The following CRK variants were observed in gnomAD, a reference collection of about 807,000 sequenced individuals.
CRK encodes the protein adapter molecule crk.
Under a neutral mutation model 29.8 loss-of-function variants are expected in CRK, and 4 were observed. The observed-to-expected ratio is 0.13, with a 90% confidence interval of 0.07 to 0.31. The LOEUF is 0.31. Ranked by LOEUF, CRK falls within the 10% of genes least tolerant of loss-of-function variation. The probability of loss-of-function intolerance (pLI) is 1.00; values close to 1 mark genes in which losing one functional copy is unlikely to be tolerated. For missense variants in CRK, 274 were observed against 396.5 expected (o/e 0.69, Z 2.62); for synonymous variants, 153 against 164.9 (o/e 0.93, Z 0.55).
chr17:1,448,347 G>T (rs2073990820), intron 1 of CRK, among the ~76,000 whole-genome samples: 1 of 152,082 alleles, frequency 6.6e-6, no homozygotes, highest in Non-Finnish European at 1.5e-5. Context: ...GCTAGAGGCT[G>T]GGCGTGGGGG....
In CRK at chr17:1,433,825, G is replaced by GT. The variant is rs56071119; in HGVS notation, c.777+2794dup. ...TGAGCCACCGCACCCAGCATGTATGGTTTTTTTTTTTTTTTTTTTTTTAGA... is the reference window on the plus strand; with the variant it reads ...TGAGCCACCGCACCCAGCATGTATGGTTTTTTTTTTTTTTTTTTTTTTTAGA... On this transcript the variant is annotated intron_variant, in intron 2 of 2. Transcript: ENST00000300574. Among the ~76,000 whole-genome samples the GT allele has an allele frequency of 8.1e-3, 1,027 of 127,300 alleles. 6 individuals are homozygous for GT. Among genetic ancestry groups the GT allele is most frequent in the African/African-American group, 0.021 (675 of 32,704 alleles). The allele number at this position is 127,300 out of a possible 152,430, so 83.5% of individuals were successfully genotyped here.
rs2073742505 is a variant in CRK at position 1,423,007 on chromosome 17, G to A, written c.*506C>T. 1.0e-5 allele frequency: 4 copies of A among 399,216 alleles called. No individual in the cohort carries two copies. The highest frequency in any genetic ancestry group is 1.8e-5 in the Non-Finnish European group (4 of 226,292). 24.7% of individuals were successfully genotyped at this position (399,216 alleles called of 1,614,324 possible). ...AGAATTCTTAGGATCTGAAATGTCA[G>A]AATGAGTCACACGCTGGTCATGCTC... is the stretch of plus-strand genomic sequence containing the variant. On this transcript the variant is annotated 3_prime_UTR_variant, in exon 3 of 3. Transcript: ENST00000300574.
chr17:1,425,356 T>G (rs1020052430), intron 2 of CRK, among the ~76,000 whole-genome samples: 4 of 152,006 alleles, frequency 2.6e-5, no homozygotes. Context: ...CCTCCCAAAG[T>G]GCTATGATTA....
intron 1 of CRK, among the ~76,000 whole-genome samples, chr17:1,454,736 G>C (rs995223419): frequency 6.6e-6 from 1 of 152,152 alleles, no homozygotes; most frequent in Non-Finnish European, 1.5e-5. Flanking sequence ...GTGAAGGCAC[G>C]AGGACTCCTG....
intron 1 of CRK, among the ~76,000 whole-genome samples, chr17:1,442,604 GTCTT>G (rs1490744400): frequency 1.8e-5 from 2 of 109,354 alleles, no homozygotes; most frequent in East Asian, 4.7e-4. Flanking sequence ...GTGTGAAAGG[GTCTT>G]TTTTTTTTTT....
chr17:1,440,919 C>A (rs1306497911), intron 1 of CRK, among the ~76,000 whole-genome samples: 1 of 152,152 alleles, frequency 6.6e-6, no homozygotes, highest in African/African-American at 2.4e-5. Flanking sequence ...ACCTAAAATC[C>A]AAATGAGTTT....
chr17:1,423,211 G>C lies in CRK; in HGVS notation c.*302C>G. 2.0e-6 allele frequency: 1 copy of C among 497,794 alleles called. No individual in the cohort carries two copies. The highest frequency in any genetic ancestry group is 3.5e-6 in the Non-Finnish European group (1 of 283,426). The allele number at this position is 497,794 out of a possible 1,614,324, so 30.8% of individuals were successfully genotyped here. A position where few individuals can be genotyped will look rare whatever the true frequency, so the allele number is the denominator to read the frequency against. On this transcript the variant is annotated 3_prime_UTR_variant, in exon 3 of 3. Transcript: ENST00000300574. ...CTTCCTGTCCATCGGTTTTCCACAG[G>C]GTGATTTGCACTGCCTGAGAGAAAG...
At chr17:1,437,215 ATTTTAT>A in intron 1 of CRK, 60 bp from the exon 2 acceptor site, 1 of 1,494,836 alleles carries the variant, frequency 6.7e-7, no homozygotes, top group Non-Finnish European at 8.9e-7. Context: ...TGAAATGCAG[ATTTTAT>A]TTTTATTTTT....
At chr17:1,438,556 C>G (rs1278204178) in intron 1 of CRK, among the ~76,000 whole-genome samples, 2 of 151,420 alleles carry the variant, frequency 1.3e-5, no homozygotes, top group African/African-American at 4.9e-5. Flanking sequence ...TTCCCGAGAT[C>G]GTAAATAAAA....
rs55649851 is a variant in CRK, at chr17:1,428,118, C to CT, written c.778-4469dup. On this transcript the variant is annotated intron_variant, in intron 2 of 2. Coordinates refer to ENST00000300574, the MANE Select transcript of CRK (RefSeq NM_016823.4). ...GTGCCTCCAGATCTTTTCTTTCAGACTTTTTTTTTTTTTTTTTTAATGGAG... is the reference window on the plus strand; with the variant it reads ...GTGCCTCCAGATCTTTTCTTTCAGACTTTTTTTTTTTTTTTTTTTAATGGAG... Among the ~76,000 whole-genome samples the CT allele has an allele frequency of 2.7e-3, 367 of 135,856 alleles. 4 individuals carry two copies. The highest frequency in any genetic ancestry group is 0.016 in the Middle Eastern group (4 of 256). The allele number at this position is 135,856 out of a possible 152,430, so 89.1% of individuals were successfully genotyped here.
In CRK at chr17:1,429,477, T is replaced by C. The variant is rs2073816435; in HGVS notation, c.778-5827A>G. The stretch of plus-strand genomic sequence containing the variant: ...TTAGTGGAGACCAGGTTTCACCACA[T>C]TGGACAGTCTGGTATGCAACTCCTG... On this transcript the variant is annotated intron_variant, in intron 2 of 2. Transcript: ENST00000300574. Among the ~76,000 whole-genome samples, 4 of 152,038 alleles carry C rather than the reference T, an allele frequency of 2.6e-5. 1 individual carries two copies. Among genetic ancestry groups the C allele is most frequent in the Middle Eastern group, 3.4e-3 (1 of 294 alleles).
chr17:1,435,011 C>G (rs1347160508), intron 2 of CRK, among the ~76,000 whole-genome samples: 3 of 152,092 alleles, frequency 2.0e-5, no homozygotes, highest in Non-Finnish European at 2.9e-5. Flanking sequence ...AAGCAAAATT[C>G]ACATGATAAC....
Position 1,422,416 on chromosome 17 carries a change from G to C in CRK, c.*1097C>G, listed in dbSNP as rs1303345213. Reference sequence around the variant, plus strand: ...CTGACCTCATGATCCACCCGCCTCGGCCTCCCAAAGTGCTGGGATTACAGA... The same window carrying C: ...CTGACCTCATGATCCACCCGCCTCGCCCTCCCAAAGTGCTGGGATTACAGA... On this transcript the variant is annotated 3_prime_UTR_variant, in exon 3 of 3. Coordinates refer to ENST00000300574, the MANE Select transcript of CRK (RefSeq NM_016823.4). 1 of 152,250 alleles carries C rather than the reference G, an allele frequency of 6.6e-6. No homozygotes were observed. Among genetic ancestry groups the C allele is most frequent in the African/African-American group, 2.4e-5 (1 of 41,540 alleles). 9.4% of individuals were successfully genotyped at this position (152,250 alleles called of 1,614,324 possible).
intron 2 of CRK, among the ~76,000 whole-genome samples, chr17:1,434,895 G>C (rs1445637647): frequency 9.9e-5 from 15 of 151,452 alleles, no homozygotes. Context: ...TATTTAATGA[G>C]ATTTGTGTTT....
At chr17:1,448,596 C>A (rs951817956) in intron 1 of CRK, among the ~76,000 whole-genome samples, 7 of 126,982 alleles carry the variant, frequency 5.5e-5, no homozygotes, top group Non-Finnish European at 9.3e-5. Context: ...GCACTCCAGC[C>A]TGGGTGAGAG....
Position 1,449,385 on chromosome 17 carries a change from C to T in CRK, c.241+6492G>A, listed in dbSNP as rs76632715. On this transcript the variant is annotated intron_variant, in intron 1 of 2. Coordinates refer to ENST00000300574, the MANE Select transcript of CRK (RefSeq NM_016823.4). Reference sequence around the variant, plus strand: ...CATTTTGCTTCAAAAGCCCCCACACCTCAGTTATGTTATTAAGATTCGTAT... The same window carrying T: ...CATTTTGCTTCAAAAGCCCCCACACTTCAGTTATGTTATTAAGATTCGTAT... Among the ~76,000 whole-genome samples the T allele has an allele frequency of 4.1e-3, 626 of 152,230 alleles. 26 individuals carry two copies. The East Asian group carries it at 0.097, about 24-fold the overall frequency.
At chr17:1,440,675 G>A (rs1487811439) in intron 1 of CRK, among the ~76,000 whole-genome samples, 1 of 152,104 alleles carries the variant, frequency 6.6e-6, no homozygotes, top group Admixed American at 6.6e-5. Context: ...CACTTTGGGA[G>A]GCCGAGGCGG....
chr17:1,452,345 T>C (rs56284228), intron 1 of CRK, among the ~76,000 whole-genome samples: 65 of 152,300 alleles, frequency 4.3e-4, no homozygotes, highest in African/African-American at 1.5e-3. Flanking sequence ...GAATAACCAG[T>C]CAATAAACAT....
intron 1 of CRK, among the ~76,000 whole-genome samples, chr17:1,447,148 G>A (rs1040232601): frequency 1.2e-5 from 1 of 80,738 alleles, no homozygotes; most frequent in Non-Finnish European, 2.9e-5. Flanking sequence ...GTGTGTTCCG[G>A]CTCCTTTTCT....
Sources: gnomAD v4.1 joint callset for allele counts (sites outside exome capture counted in the v4.1 genomes callset) on GRCh38, gnomAD v4.1.1 for gene constraint, MANE v1.5 for transcripts, NCBI Gene and HGNC (gene_info 2026-07-23, HGNC 2026-07-21) for gene names.